Variants in TAB2 observed in about 807,000 individuals in gnomAD.
TAB2 encodes TGF-beta activated kinase 1 (MAP3K7) binding protein 2.
Under a neutral mutation model 65.0 loss-of-function variants are expected in TAB2, and 3 were observed. That is an observed-to-expected ratio of 0.05 (90% confidence interval 0.02 to 0.12). The LOEUF (loss-of-function observed/expected upper bound fraction) is 0.12. Among genes scored for constraint, TAB2 ranks in the 10% least tolerant of loss-of-function variants. The pLI is 1.00. For missense variants in TAB2, 623 were observed against 840.3 expected (o/e 0.74, Z 3.20); for synonymous variants, 298 against 285.1 (o/e 1.05, Z -0.46).
intron 3 of TAB2, among the ~76,000 whole-genome samples, chr6:149,381,637 G>A (rs1781614078): frequency 7.9e-6 from 1 of 126,988 alleles, no homozygotes; most frequent in Admixed American, 9.5e-5. Context: ...GCAGTGGCAT[G>A]TTCACAGCTC....
At chr6:149,292,810 G>A (rs191335592) in intron 1 of TAB2, among the ~76,000 whole-genome samples, 36 of 152,092 alleles carry the variant, frequency 2.4e-4, no homozygotes, top group African/African-American at 4.6e-4. Context: ...ATAGCTAACC[G>A]TATGACCAAT....
chr6:149,351,454 T>G (rs1228747893), intron 1 of TAB2, among the ~76,000 whole-genome samples: 1 of 152,248 alleles, frequency 6.6e-6, no homozygotes, highest in Non-Finnish European at 1.5e-5. Context: ...TGCAATTGGC[T>G]TTAATTATGT....
intron 1 of TAB2, among the ~76,000 whole-genome samples, chr6:149,336,164 T>C (rs1248214733): frequency 6.6e-6 from 1 of 152,202 alleles, no homozygotes; most frequent in Non-Finnish European, 1.5e-5. Context: ...TAGTAGTGCT[T>C]AACCAATATG....
At chr6:149,356,160 AG>A (rs1780648215) in intron 1 of TAB2, among the ~76,000 whole-genome samples, 1 of 152,208 alleles carries the variant, frequency 6.6e-6, no homozygotes, top group Non-Finnish European at 1.5e-5. Context: ...TTCTAACTAA[AG>A]GTAATGGTAG....
chr6:149,379,399 A>T lies in TAB2; in HGVS notation c.1484A>T (p.Asp495Val). 1 of 1,614,182 alleles carries T rather than the reference A, an allele frequency of 6.2e-7. No homozygotes were observed. ...FELTNLLNHP[D>V]HYVETENIQH... The stretch of plus-strand genomic sequence containing the variant: ...CTTACAAATCTTCTTAATCATCCTG[A>T]TCATTATGTAGAAACCGAGAATATT... The change falls in exon 3 of 7, where the codon GAT becomes GTT. Residue 495 changes from aspartate to valine, a missense_variant. Asp to Val is a radical substitution (Grantham distance 152). Around this residue, in one of 3 missense-constraint regions of TAB2, gnomAD observed 550 missense variants for 665.7 expected, o/e 0.83. Coordinates refer to ENST00000637181, the MANE Select transcript of TAB2 (RefSeq NM_001292034.3).
rs1157037631 is a variant in TAB2, at chr6:149,262,325, G to A, written c.-121+43549G>A. Among the ~76,000 whole-genome samples the A allele has an allele frequency of 7.9e-5, 12 of 152,286 alleles. No individual in the cohort carries two copies. The South Asian group carries it at 1.7e-3, about 21-fold the overall frequency. ...TGGCGGGAGGATCACTTGAGATCAG[G>A]AGTTTGAGACCAGCCTGGCCAACAT... On this transcript the variant is annotated intron_variant, in intron 1 of 1. Transcript: ENST00000606202.
rs77712629 is a variant in TAB2, at chr6:149,248,772, C to G, written c.-121+29996C>G. On this transcript the variant is annotated intron_variant, in intron 1 of 1. Coordinates refer to the TAB2 transcript ENST00000606202. ...GTGAGGCTCACCTTGACCAGCCCCC[C>G]AGTGCTGCTGTCCCTGCCCTGGGCC... is the stretch of plus-strand genomic sequence containing the variant. 8.9e-3 allele frequency among the ~76,000 whole-genome samples: 1,361 copies of G among 152,294 alleles called. 16 individuals are homozygous for G. Among genetic ancestry groups the G allele is most frequent in the African/African-American group, 0.03 (1,239 of 41,544 alleles).
intron 1 of TAB2, chr6:149,321,287 C>T (rs780524763): frequency 6.6e-6 from 1 of 152,090 alleles, no homozygotes; most frequent in Non-Finnish European, 1.5e-5. Context: ...TTGCCTCTGG[C>T]TCATATTTCC....
At chr6:149,370,133 C>T (rs376335217) in intron 2 of TAB2, 34 bp downstream of exon 2, 2 of 1,546,542 alleles carry the variant, frequency 1.3e-6, no homozygotes, top group Non-Finnish European at 1.8e-6. Context: ...TTTGTTAATA[C>T]AAACCTGGTA....
intron 1 of TAB2, among the ~76,000 whole-genome samples, chr6:149,289,139 G>T (rs1778729401): frequency 6.6e-6 from 1 of 152,114 alleles, no homozygotes; most frequent in Admixed American, 6.6e-5. Flanking sequence ...GATTACAGGT[G>T]TGAGCCACCA....
At position 149,241,388 on chromosome 6, in the gene TAB2, T is replaced by C. The variant is rs560803725; in HGVS notation, c.-121+22612T>C. Among the ~76,000 whole-genome samples the C allele has an allele frequency of 3.3e-5, 5 of 152,358 alleles. 1 individual carries two copies. In the South Asian group the frequency reaches 8.3e-4, roughly 25 times the overall value. Reference sequence around the variant, plus strand: ...ACTCTTTTAATCAATAGGATGTTGATCCTGCGTACTGTAAATGATTTTTAA... The same window carrying C: ...ACTCTTTTAATCAATAGGATGTTGACCCTGCGTACTGTAAATGATTTTTAA... On this transcript the variant is annotated intron_variant, in intron 1 of 1. Transcript: ENST00000606202.
chr6:149,314,845 A>C (rs1779222854), upstream of TAB2, among the ~76,000 whole-genome samples: 1 of 150,860 alleles, frequency 6.6e-6, no homozygotes, highest in South Asian at 2.1e-4. Flanking sequence ...AAGCTCTTGA[A>C]TGTAGTCCAG....
At chr6:149,335,507 A>AC (rs1779907938) in intron 1 of TAB2, among the ~76,000 whole-genome samples, 1 of 152,096 alleles carries the variant, frequency 6.6e-6, no homozygotes, top group African/African-American at 2.4e-5. Flanking sequence ...ACCTGGGACT[A>AC]CAGACACCAG....
chr6:149,266,558 A>G (rs1405038652), intron 1 of TAB2, among the ~76,000 whole-genome samples: 1 of 152,150 alleles, frequency 6.6e-6, no homozygotes, highest in Non-Finnish European at 1.5e-5. Context: ...AATTCACATC[A>G]TCTAACAAAA....
chr6:149,310,634 A>G (rs934786859), intron 1 of TAB2, among the ~76,000 whole-genome samples: 2 of 152,054 alleles, frequency 1.3e-5, no homozygotes, highest in Non-Finnish European at 2.9e-5. Flanking sequence ...TTGATTGATC[A>G]TTTGCATTCT....
chr6:149,343,275 A>G (rs927416109), intron 1 of TAB2, among the ~76,000 whole-genome samples: 1 of 151,870 alleles, frequency 6.6e-6, no homozygotes, highest in African/African-American at 2.4e-5. Context: ...AAAAGTTGAT[A>G]TATTCATACA....
intron 1 of TAB2, among the ~76,000 whole-genome samples, chr6:149,345,698 CTG>C (rs1780271829): frequency 6.6e-6 from 1 of 152,078 alleles, no homozygotes; most frequent in Non-Finnish European, 1.5e-5. Flanking sequence ...ATAAAAATAT[CTG>C]TTTAAAATAC....
chr6:149,328,813 G>A (rs1449337982), intron 1 of TAB2, among the ~76,000 whole-genome samples: 2 of 152,114 alleles, frequency 1.3e-5, no homozygotes, highest in Non-Finnish European at 2.9e-5. Flanking sequence ...TGTCTCCTAT[G>A]GATAAGGATT....
intron 1 of TAB2, among the ~76,000 whole-genome samples, chr6:149,359,406 G>C (rs1016246774): frequency 6.6e-6 from 1 of 152,094 alleles, no homozygotes; most frequent in Non-Finnish European, 1.5e-5. Context: ...CATGGTGCGG[G>C]CTCGTGTCTT....
Sources: allele counts gnomAD v4.1 joint callset (sites outside exome capture counted in the v4.1 genomes callset), GRCh38; gene constraint gnomAD v4.1.1; regional missense constraint gnomAD v4.1.1; transcripts MANE v1.5; gene names NCBI Gene and HGNC (gene_info 2026-07-23, HGNC 2026-07-21).